The following TACR3 variants were observed in gnomAD, a reference collection of about 807,000 sequenced individuals.
The protein encoded by TACR3 is tachykinin receptor 3, also known as neuromedin-K receptor.
Under a neutral mutation model 35.0 loss-of-function variants are expected in TACR3, and 34 were observed. The observed-to-expected ratio is 0.97, with a 90% confidence interval of 0.74 to 1.30. The LOEUF (loss-of-function observed/expected upper bound fraction) is 1.30, where lower values mean the gene tolerates loss of function less well. Ranked by LOEUF, TACR3 falls within the 50% of genes most tolerant of loss-of-function variation. The pLI, the probability that TACR3 is intolerant of heterozygous loss-of-function variation, is 0.00. For synonymous variants in TACR3, 233 were observed against 221.1 expected (o/e 1.05, Z -0.48); for missense variants, 558 against 591.7 (o/e 0.94, Z 0.59).
intron 3 of TACR3, among the ~76,000 whole-genome samples, chr4:103,623,047 G>A (rs984291082): frequency 2.6e-5 from 4 of 151,954 alleles, no homozygotes; most frequent in East Asian, 1.9e-4. Flanking sequence ...CCTACCTAAT[G>A]TATTTAAAAT....
At chr4:103,630,214 A>C (rs186073452) in intron 3 of TACR3, among the ~76,000 whole-genome samples, 30 of 152,226 alleles carry the variant, frequency 2.0e-4, no homozygotes, top group African/African-American at 6.8e-4. Flanking sequence ...CTTAAATGTT[A>C]GACCTAAAAC....
intron 3 of TACR3, among the ~76,000 whole-genome samples, chr4:103,598,621 G>A (rs1273712966): frequency 5.3e-5 from 8 of 152,102 alleles, no homozygotes; most frequent in South Asian, 2.1e-4. Context: ...ATCTTGAATT[G>A]ATTTTTATAT....
At chr4:103,609,373 A>C (rs558251000) in intron 3 of TACR3, among the ~76,000 whole-genome samples, 1 of 152,134 alleles carries the variant, frequency 6.6e-6, no homozygotes, top group Non-Finnish European at 1.5e-5. Flanking sequence ...TCTTCCCTCA[A>C]TATCAGCAAT....
chr4:103,589,507 GTTA>G lies in TACR3; in HGVS notation c.*172_*174del. 1 of 644,804 alleles carries G rather than the reference GTTA, an allele frequency of 1.6e-6. No homozygotes were observed. Among genetic ancestry groups the G allele is most frequent in the Non-Finnish European group, 2.6e-6 (1 of 380,092 alleles). The allele number at this position is 644,804 out of a possible 1,614,324, so 39.9% of individuals were successfully genotyped here. On this transcript the variant is annotated 3_prime_UTR_variant, in exon 5 of 5. Transcript: ENST00000304883. The stretch of plus-strand genomic sequence containing the variant: ...TTTTATTTTGGGTGGAGGCTAACAT[GTTA>G]TTAGTGTCTTTGTCACATTTATACA...
In TACR3 at chr4:103,719,573, C is replaced by T. The variant is rs950254837; in HGVS notation, c.103G>A (p.Gly35Arg). Residue 35 changes from glycine to arginine, a missense_variant, in exon 1 of 5, where the codon GGG becomes AGG. Coordinates refer to ENST00000304883, the MANE Select transcript of TACR3 (RefSeq NM_001059.3). ...TASLAAGAAT[G>R]AVETGWLQLL... ...TGCAGCCACCCAGTCTCAACTGCCCCCGTGGCCGCCCCGGCAGCTAGCGAG... is the reference window on the plus strand; with the variant it reads ...TGCAGCCACCCAGTCTCAACTGCCCTCGTGGCCGCCCCGGCAGCTAGCGAG... The T allele has an allele frequency of 1.2e-6, 2 of 1,610,014 alleles. No homozygotes were observed. Among genetic ancestry groups the T allele is most frequent in the Admixed American group, 1.7e-5 (1 of 59,886 alleles).
chr4:103,647,143 T>C (rs989141904), intron 3 of TACR3, among the ~76,000 whole-genome samples: 1 of 151,802 alleles, frequency 6.6e-6, no homozygotes, highest in Non-Finnish European at 1.5e-5. Context: ...AGTTTGTGAG[T>C]TGAACACTAG....
intron 3 of TACR3, among the ~76,000 whole-genome samples, chr4:103,631,578 C>T (rs960940720): frequency 2.0e-5 from 3 of 152,110 alleles, no homozygotes; most frequent in Non-Finnish European, 4.4e-5. Flanking sequence ...GTCCTGAAAA[C>T]ATGAACTTTG....
At chr4:103,637,988 C>A (rs1024720012) in intron 3 of TACR3, among the ~76,000 whole-genome samples, 1 of 152,050 alleles carries the variant, frequency 6.6e-6, no homozygotes, top group African/African-American at 2.4e-5. Flanking sequence ...TAGGAAGAAT[C>A]AATATCATAA....
chr4:103,685,056 G>A (rs190514011), intron 1 of TACR3, among the ~76,000 whole-genome samples: 28 of 150,992 alleles, frequency 1.9e-4, no homozygotes, highest in Admixed American at 4.0e-4. Flanking sequence ...GTTTAAAAGC[G>A]GAATAGGAAA....
chr4:103,604,410 A>T (rs1426984119), intron 3 of TACR3, among the ~76,000 whole-genome samples: 4 of 152,214 alleles, frequency 2.6e-5, no homozygotes, highest in Non-Finnish European at 4.4e-5. Context: ...TAAAGAATTA[A>T]ACATAAGACC....
In TACR3 at chr4:103,589,591, G is replaced by T. The variant is rs201943068; in HGVS notation, c.*91C>A. The T allele has an allele frequency of 2.7e-6, 4 of 1,465,818 alleles. No individual in the cohort carries two copies. Among genetic ancestry groups the T allele is most frequent in the Non-Finnish European group, 3.8e-6 (4 of 1,052,732 alleles). 90.8% of individuals were successfully genotyped at this position (1,465,818 alleles called of 1,614,324 possible). On this transcript the variant is annotated 3_prime_UTR_variant, in exon 5 of 5. Coordinates refer to ENST00000304883, the MANE Select transcript of TACR3 (RefSeq NM_001059.3). ...AAAAATTGCTTTCTGTTTCTAGAGG[G>T]TATATAGGACAGGACTGGTAAATAG...
intron 3 of TACR3, among the ~76,000 whole-genome samples, chr4:103,638,840 T>C (rs1454147751): frequency 6.6e-6 from 1 of 151,958 alleles, no homozygotes; most frequent in Non-Finnish European, 1.5e-5. Flanking sequence ...CATGAAAAAA[T>C]GCTCATCATC....
intron 3 of TACR3, among the ~76,000 whole-genome samples, chr4:103,611,974 GTC>G (rs1389622451): frequency 6.6e-6 from 1 of 152,020 alleles, no homozygotes; most frequent in Non-Finnish European, 1.5e-5. Flanking sequence ...AAGCATTGTT[GTC>G]TCTCTCCTAA....
chr4:103,691,717 A>T (rs1722405336), intron 1 of TACR3, among the ~76,000 whole-genome samples: 1 of 152,162 alleles, frequency 6.6e-6, no homozygotes, highest in Non-Finnish European at 1.5e-5. Flanking sequence ...AGGGCAAGGA[A>T]CACCCGGCCT....
At chr4:103,618,224 G>C (rs1411164745) in intron 3 of TACR3, among the ~76,000 whole-genome samples, 1 of 152,134 alleles carries the variant, frequency 6.6e-6, no homozygotes, top group Non-Finnish European at 1.5e-5. Flanking sequence ...TACATTGAAA[G>C]CTTTAATCCA....
chr4:103,607,552 T>G (rs1408736813), intron 3 of TACR3, among the ~76,000 whole-genome samples: 1 of 152,082 alleles, frequency 6.6e-6, no homozygotes, highest in Non-Finnish European at 1.5e-5. Context: ...GGCTGGATGT[T>G]TGGAAAGAAT....
chr4:103,638,961 G>C (rs1381637082), intron 3 of TACR3, among the ~76,000 whole-genome samples: 1 of 152,102 alleles, frequency 6.6e-6, no homozygotes, highest in Non-Finnish European at 1.5e-5. Context: ...AGAGGATGTG[G>C]GGAAATAGGA....
chr4:103,629,861 C>CA lies in TACR3; in HGVS notation c.888+26332dup, dbSNP rs373706568. ...AATCCTAAGCAAAACAAAAAAAAAA[C>CA]AAAAAAAAAACAAAAAAAACAACAA... On this transcript the variant is annotated intron_variant, in intron 3 of 4. Coordinates refer to ENST00000304883, the MANE Select transcript of TACR3 (RefSeq NM_001059.3). Among the ~76,000 whole-genome samples the CA allele has an allele frequency of 1.7e-3, 168 of 98,498 alleles. 6 individuals are homozygous for CA. The highest frequency in any genetic ancestry group is 4.9e-3 in the South Asian group (15 of 3,062). The allele number at this position is 98,498 out of a possible 152,430, so 64.6% of individuals were successfully genotyped here.
intron 3 of TACR3, among the ~76,000 whole-genome samples, chr4:103,598,773 G>T (rs959649815): frequency 3.9e-5 from 6 of 152,096 alleles, no homozygotes; most frequent in Non-Finnish European, 7.3e-5. Context: ...TAGATATGCG[G>T]CATTATTTCT....
Sources: gnomAD v4.1 joint callset for allele counts (sites outside exome capture counted in the v4.1 genomes callset) on GRCh38, gnomAD v4.1.1 for gene constraint, MANE v1.5 for transcripts, NCBI Gene and HGNC (gene_info 2026-07-23, HGNC 2026-07-21) for gene names.